CDKN2C: variants seen among roughly 807,000 people sequenced by gnomAD.
CDKN2C encodes the protein cyclin dependent kinase inhibitor 2C.
In CDKN2C, 5 loss-of-function variants were observed where a neutral mutation model predicts 11.0. That is an observed-to-expected ratio of 0.45 (90% CI 0.24 to 0.95). CDKN2C has a LOEUF of 0.95. Among genes scored for constraint, CDKN2C ranks in the 40% least tolerant of loss-of-function variants. The pLI is 0.21. For missense variants in CDKN2C, 161 were observed against 211.9 expected (o/e 0.76, Z 1.49); for synonymous variants, 79 against 88.3 (o/e 0.89, Z 0.59).
intron 1 of CDKN2C, among the ~76,000 whole-genome samples, chr1:50,961,453 A>C (rs905933121): frequency 6.6e-6 from 1 of 152,258 alleles, no homozygotes; most frequent in Non-Finnish European, 1.5e-5. Flanking sequence ...TGTACAATGA[A>C]GTGTGACAGT....
intron 1 of CDKN2C, among the ~76,000 whole-genome samples, chr1:50,963,877 G>A (rs1645335846): frequency 6.6e-6 from 1 of 151,970 alleles, no homozygotes; most frequent in South Asian, 2.1e-4. Flanking sequence ...CTCATAGTTG[G>A]CCCACAGTAG....
At chr1:50,970,986 C>T (rs953683541) in intron 1 of CDKN2C, among the ~76,000 whole-genome samples, 1 of 152,136 alleles carries the variant, frequency 6.6e-6, no homozygotes, top group African/African-American at 2.4e-5. Context: ...GACCTTTCCT[C>T]GTTTGGAATG....
upstream of CDKN2C, among the ~76,000 whole-genome samples, chr1:50,966,855 T>C (rs908885130): frequency 6.6e-6 from 1 of 152,206 alleles, no homozygotes; most frequent in Non-Finnish European, 1.5e-5. Flanking sequence ...ATTTTGGGGT[T>C]CTGTTATTTT....
At chr1:50,972,986 G>A (rs1245223548) in intron 1 of CDKN2C, among the ~76,000 whole-genome samples, 1 of 152,106 alleles carries the variant, frequency 6.6e-6, no homozygotes, top group African/African-American at 2.4e-5. Context: ...TGAAAATCAG[G>A]AGGCTTGTCA....
At chr1:50,968,066 C>G (rs1398516786), upstream of CDKN2C, 3 of 152,382 alleles carry the variant, frequency 2.0e-5, no homozygotes, top group Non-Finnish European at 4.4e-5. Flanking sequence ...TGCTTAGTGG[C>G]AGTCCGGATT....
rs1645373567 is a variant in CDKN2C at position 50,970,413 on chromosome 1, G to C, written c.45G>C (p.Arg15Ser). 1.9e-6 allele frequency: 3 copies of C among 1,614,126 alleles called. No individual in the cohort carries two copies. The highest frequency in any genetic ancestry group is 2.5e-6 in the Non-Finnish European group (3 of 1,180,006). Residue 15 changes from arginine to serine, a missense_variant, in exon 1 of 2, where the codon AGG (arginine) becomes AGC (serine). Transcript: ENST00000371761. Reference sequence around the variant, plus strand: ...ACGAGTTGGCGTCCGCAGCTGCCAGGGGGGACCTAGAGCAACTTACTAGTT... The same window carrying C: ...ACGAGTTGGCGTCCGCAGCTGCCAGCGGGGACCTAGAGCAACTTACTAGTT... ...WGNELASAAARGDLEQLTSLL... is the reference protein window; with the variant it reads ...WGNELASAAASGDLEQLTSLL...
chr1:50,972,487 C>A (rs1204332913), intron 1 of CDKN2C, among the ~76,000 whole-genome samples: 3 of 151,850 alleles, frequency 2.0e-5, no homozygotes, highest in African/African-American at 7.3e-5. Context: ...GATAGAACGA[C>A]TTTGTATTTT....
chr1:50,968,790 G>A (rs1229186431), upstream of CDKN2C: 2 of 152,230 alleles, frequency 1.3e-5, no homozygotes, highest in Admixed American at 1.3e-4. Context: ...AAAAGCTGAT[G>A]AGGTCGGAAA....
Position 50,974,232 on chromosome 1 carries a change from CA to C in CDKN2C, c.470del (p.Gln157ArgfsTer30), listed in dbSNP as rs1645395014. Reference sequence around the variant, plus strand: ...GAGGAATGAGGTTGTTAGCCTGATGCAGGCAAACGGGGCTGGGGGAGCCACA... The same window carrying C: ...GAGGAATGAGGTTGTTAGCCTGATGCGGCAAACGGGGCTGGGGGAGCCACA... ...YGRNEVVSLM[Q>X]ANGAGGATNL... is the part of the protein sequence containing the mutation. On this transcript the variant is annotated frameshift_variant, in exon 2 of 2. Coordinates refer to ENST00000371761, the MANE Select transcript of CDKN2C (RefSeq NM_078626.3). LOFTEE classifies it high-confidence loss of function. 6.3e-7 allele frequency: 1 copy of C among 1,588,442 alleles called. No homozygotes were observed. Among genetic ancestry groups the C allele is most frequent in the Non-Finnish European group, 8.6e-7 (1 of 1,164,378 alleles).
intron 1 of CDKN2C, among the ~76,000 whole-genome samples, chr1:50,970,709 C>G (rs991226503): frequency 6.6e-6 from 1 of 152,112 alleles, no homozygotes; most frequent in African/African-American, 2.4e-5. Flanking sequence ...TCCTTGATAT[C>G]AAGTGGGGTC....
upstream of CDKN2C, among the ~76,000 whole-genome samples, chr1:50,967,293 G>T (rs754717246): frequency 6.6e-6 from 1 of 152,166 alleles, no homozygotes; most frequent in Non-Finnish European, 1.5e-5. Context: ...TATTTGAAAC[G>T]TCTACATATA....
chr1:50,961,688 T>A (rs1645324674), intron 1 of CDKN2C, among the ~76,000 whole-genome samples: 2 of 152,218 alleles, frequency 1.3e-5, no homozygotes, highest in Admixed American at 6.5e-5. Context: ...AAGAACTTTT[T>A]AAACTTGTAT....
At chr1:50,961,450 T>C (rs1233128097) in intron 1 of CDKN2C, among the ~76,000 whole-genome samples, 1 of 152,208 alleles carries the variant, frequency 6.6e-6, no homozygotes, top group Non-Finnish European at 1.5e-5. Flanking sequence ...CTATGTACAA[T>C]GAAGTGTGAC....
At position 50,970,314 on chromosome 1, in the gene CDKN2C, G is replaced by C. The variant is rs896316377; in HGVS notation, c.-55G>C. 6 of 1,608,980 alleles carry C rather than the reference G, an allele frequency of 3.7e-6. No homozygotes were observed. The highest frequency in any genetic ancestry group is 5.1e-6 in the Non-Finnish European group (6 of 1,178,518). On this transcript the variant is annotated 5_prime_UTR_variant, in exon 1 of 2. Transcript: ENST00000371761. ...GCAGCCTGGTTAGGAGCAAAGGAAA[G>C]GGGAAAAAGAAAAACGACTAATTCA... is the stretch of plus-strand genomic sequence containing the variant.
At chr1:50,973,087 A>G (rs1645388886) in intron 1 of CDKN2C, among the ~76,000 whole-genome samples, 1 of 152,184 alleles carries the variant, frequency 6.6e-6, no homozygotes, top group Admixed American at 6.5e-5. Flanking sequence ...ACTGTGATAC[A>G]AGGCATATCA....
upstream of CDKN2C, chr1:50,967,893 T>C (rs1645354990): frequency 6.6e-6 from 1 of 152,250 alleles, no homozygotes; most frequent in East Asian, 1.9e-4. Flanking sequence ...TTTTAAATTT[T>C]GCTTTAAATT....
chr1:50,969,805 T>TC (rs1223951632), upstream of CDKN2C: 23 of 192,750 alleles, frequency 1.2e-4, no homozygotes, highest in Non-Finnish European at 2.1e-4. This position sits in a 1 kb window ranked among gnomAD's most constrained non-coding sequence, Gnocchi z 6.6. Flanking sequence ...GACCCAGGAC[T>TC]ATCCCTTCGG....
At position 50,974,009 on chromosome 1, in the gene CDKN2C, C is replaced by T. The variant is rs200297809; in HGVS notation, c.246C>T (p.Phe82=). 4.3e-6 allele frequency: 7 copies of T among 1,614,190 alleles called. No homozygotes were observed. The East Asian group carries it at 1.1e-4, about 26-fold the overall frequency. The stretch of plus-strand genomic sequence containing the variant: ...TTCATGATGCGGCCAGAGCAGGTTT[C>T]CTGGACACTTTACAGACTTTGCTGG... The part of the protein sequence containing the change: ...AVIHDAARAG[F]LDTLQTLLEF... Residue 82 remains phenylalanine, a synonymous_variant, in exon 2 of 2, where the codon TTC becomes TTT. Coordinates refer to ENST00000371761, the MANE Select transcript of CDKN2C (RefSeq NM_078626.3).
Position 50,974,114 on chromosome 1 carries a change from G to T in CDKN2C, c.351G>T (p.Arg117=). Residue 117 remains arginine (R), a synonymous_variant, in exon 2 of 2, where the codon CGG becomes CGT. Transcript: ENST00000371761. ...TGGCTGCCAAAGAAGGCCACCTCCG[G>T]GTGGTGGAGTTCCTGGTGAAGCACA... ...LHLAAKEGHL[R]VVEFLVKHTA... is the part of the protein sequence containing the mutation. 6.2e-7 allele frequency: 1 copy of T among 1,614,202 alleles called. No individual in the cohort carries two copies. The highest frequency in any genetic ancestry group is 1.1e-5 in the South Asian group (1 of 91,088).
Sources: gnomAD v4.1 joint callset for allele counts (sites outside exome capture counted in the v4.1 genomes callset) on GRCh38, gnomAD v4.1.1 for gene constraint, Gnocchi (gnomAD v3.1) non-coding constraint, MANE v1.5 for transcripts, NCBI Gene and HGNC (gene_info 2026-07-23, HGNC 2026-07-21) for gene names.